ADCY2: variants seen among roughly 807,000 people sequenced by gnomAD.
ADCY2 encodes the protein adenylate cyclase type 2.
A neutral mutation model predicts 125.2 loss-of-function variants in ADCY2; 31 were observed. The ratio of observed to expected loss-of-function variants is 0.25; its 90% CI spans 0.19 to 0.33. The LOEUF (loss-of-function observed/expected upper bound fraction) is 0.33, where lower values mean the gene tolerates loss of function less well. Ranked by LOEUF, ADCY2 falls within the 10% of genes least tolerant of loss-of-function variation. The pLI, the probability that ADCY2 is intolerant of heterozygous loss-of-function variation, is 1.00. For synonymous variants in ADCY2, 512 were observed against 548.4 expected (o/e 0.93, Z 0.93); for missense variants, 904 against 1,418.2 (o/e 0.64, Z 5.82).
At chr5:7,503,236 A>C (rs1315741474) in intron 2 of ADCY2, among the ~76,000 whole-genome samples, 1 of 152,200 alleles carries the variant, frequency 6.6e-6, no homozygotes, top group African/African-American at 2.4e-5. Flanking sequence ...TCAGTCTCAT[A>C]TAAGTGCTTT....
chr5:7,700,817 C>G (rs991342485), intron 7 of ADCY2, among the ~76,000 whole-genome samples: 5 of 150,502 alleles, frequency 3.3e-5, no homozygotes, highest in African/African-American at 1.2e-4. Context: ...CCATAGAAAA[C>G]TCCTGCATGC....
intron 3 of ADCY2, among the ~76,000 whole-genome samples, chr5:7,554,821 A>G (rs1735452006): frequency 6.6e-6 from 1 of 152,160 alleles, no homozygotes; most frequent in Admixed American, 6.5e-5. Flanking sequence ...TATTTTATAT[A>G]TATGCAAATG....
At chr5:7,584,874 A>C (rs1736572545) in intron 3 of ADCY2, among the ~76,000 whole-genome samples, 2 of 152,190 alleles carry the variant, frequency 1.3e-5, no homozygotes, top group South Asian at 4.1e-4. Flanking sequence ...GAACTCTCTA[A>C]AAGTCTCTAC....
At chr5:7,807,040 G>A (rs956251031) in intron 22 of ADCY2, among the ~76,000 whole-genome samples, 2 of 152,072 alleles carry the variant, frequency 1.3e-5, no homozygotes, top group African/African-American at 4.8e-5. Context: ...CACTTCACCT[G>A]ATCACATCCA....
At chr5:7,689,101 C>T (rs539263292) in intron 4 of ADCY2, among the ~76,000 whole-genome samples, 4 of 152,060 alleles carry the variant, frequency 2.6e-5, no homozygotes, top group Non-Finnish European at 5.9e-5. Flanking sequence ...GAGACGAGAG[C>T]GGGATCAGGC....
chr5:7,741,126 T>C (rs1341885760), intron 14 of ADCY2, among the ~76,000 whole-genome samples: 1 of 151,982 alleles, frequency 6.6e-6, no homozygotes, highest in East Asian at 1.9e-4. Flanking sequence ...ATAGAATATT[T>C]TACATTTGAA....
chr5:7,588,513 T>C (rs1316187667), intron 3 of ADCY2, among the ~76,000 whole-genome samples: 1 of 152,220 alleles, frequency 6.6e-6, no homozygotes, highest in African/African-American at 2.4e-5. Flanking sequence ...AACCAGTGGA[T>C]AGATCAATGG....
chr5:7,427,718 G>A (rs1052598957), intron 2 of ADCY2, among the ~76,000 whole-genome samples: 1 of 152,158 alleles, frequency 6.6e-6, no homozygotes, highest in African/African-American at 2.4e-5. Flanking sequence ...GAGGTTCTAG[G>A]GGGTTAAGCC....
chr5:7,622,665 G>C (rs6882859), intron 3 of ADCY2, among the ~76,000 whole-genome samples: 40,312 of 152,150 alleles, frequency 0.26, 7,121 homozygotes, highest in Non-Finnish European at 0.39. Context: ...GCATTGGCTG[G>C]AAGACAGGCA....
At chr5:7,504,969 C>T (rs1463715854) in intron 2 of ADCY2, among the ~76,000 whole-genome samples, 1 of 152,010 alleles carries the variant, frequency 6.6e-6, no homozygotes, top group Non-Finnish European at 1.5e-5. Context: ...CCTCAGCCTC[C>T]CAGGCACAAG....
chr5:7,486,285 T>C (rs376268372), intron 2 of ADCY2, among the ~76,000 whole-genome samples: 10 of 152,336 alleles, frequency 6.6e-5, no homozygotes, highest in African/African-American at 1.9e-4. Flanking sequence ...CACACAAATG[T>C]ACATATATTT....
At chr5:7,704,803 G>A (rs1020466132) in intron 7 of ADCY2, among the ~76,000 whole-genome samples, 2 of 151,824 alleles carry the variant, frequency 1.3e-5, no homozygotes, top group African/African-American at 2.4e-5. Flanking sequence ...GCGTGAACCC[G>A]GGCGGCGGAG....
intron 9 of ADCY2, 154 bp downstream of exon 9, chr5:7,707,992 G>C: frequency 1.3e-6 from 1 of 786,664 alleles, no homozygotes; most frequent in Non-Finnish European, 1.9e-6. Flanking sequence ...TACAGAAGAT[G>C]TTTTGTAATT....
intron 3 of ADCY2, among the ~76,000 whole-genome samples, chr5:7,624,711 G>T (rs920261761): frequency 6.6e-6 from 1 of 152,138 alleles, no homozygotes; most frequent in Non-Finnish European, 1.5e-5. Context: ...TCCCATAATG[G>T]GTTCCAGCCA....
chr5:7,555,541 T>A lies in ADCY2; in HGVS notation c.570+34642T>A, dbSNP rs187892497. Among the ~76,000 whole-genome samples the A allele has an allele frequency of 3.9e-5, 6 of 152,330 alleles. No individual in the cohort carries two copies. In the East Asian group the frequency reaches 1.2e-3, roughly 29 times the overall value. ...TAACTGTTTGTATGTTACAGATATT[T>A]ATTTAAATATAATTGTATATGTCCA... On this transcript the variant is annotated intron_variant, in intron 3 of 24. Transcript: ENST00000338316.
At chr5:7,768,310 CTGTGGGCCATT>C (rs1339199901) in intron 17 of ADCY2, among the ~76,000 whole-genome samples, 2 of 152,186 alleles carry the variant, frequency 1.3e-5, no homozygotes, top group African/African-American at 2.4e-5. Context: ...TGTAATCTCA[CTGTGGGCCATT>C]TGTGGGCCAT....
intron 16 of ADCY2, among the ~76,000 whole-genome samples, chr5:7,758,825 A>G (rs1743100456): frequency 1.3e-5 from 2 of 152,184 alleles, no homozygotes; most frequent in South Asian, 4.1e-4. Context: ...GGTGGGCGGA[A>G]GGGGAGAAGG....
chr5:7,542,874 C>A (rs1735037733), intron 3 of ADCY2, among the ~76,000 whole-genome samples: 1 of 152,156 alleles, frequency 6.6e-6, no homozygotes, highest in African/African-American at 2.4e-5. Flanking sequence ...TATCACATTC[C>A]ACCCCTTGTC....
chr5:7,702,769 T>A (rs1741132683), intron 7 of ADCY2, among the ~76,000 whole-genome samples: 1 of 152,176 alleles, frequency 6.6e-6, no homozygotes, highest in Non-Finnish European at 1.5e-5. Flanking sequence ...GGTGAAATGG[T>A]ATTTCTAGTT....
Sources: gnomAD v4.1 joint callset for allele counts (sites outside exome capture counted in the v4.1 genomes callset) on GRCh38, gnomAD v4.1.1 for gene constraint, MANE v1.5 for transcripts, NCBI Gene and HGNC (gene_info 2026-07-23, HGNC 2026-07-21) for gene names.